The following BBOX1 variants were observed in gnomAD, a reference collection of about 807,000 sequenced individuals.
The protein encoded by BBOX1 is gamma-butyrobetaine hydroxylase 1.
A neutral mutation model predicts 41.6 loss-of-function variants in BBOX1; 35 were observed. The observed-to-expected ratio is 0.84, with a 90% CI of 0.64 to 1.11. The LOEUF (loss-of-function observed/expected upper bound fraction) is 1.11. Among genes scored for constraint, BBOX1 ranks in the 50% most tolerant of loss-of-function variants. The pLI is 0.00. For synonymous variants in BBOX1, 163 were observed against 154.7 expected, an observed-to-expected ratio of 1.05 and a Z score of -0.40; for missense variants, 458 against 460.6, an observed-to-expected ratio of 0.99 and a Z score of 0.05.
At chr11:27,051,460 T>A (rs11029803) in intron 2 of BBOX1, among the ~76,000 whole-genome samples, 79,690 of 151,800 alleles carry the variant, frequency 0.52, 21,267 homozygotes, top group African/African-American at 0.63. Flanking sequence ...CATCAGGTCC[T>A]GGAGTTTCCA....
intron 2 of BBOX1, among the ~76,000 whole-genome samples, chr11:27,054,414 C>T (rs1269792791): frequency 1.3e-5 from 2 of 152,064 alleles, no homozygotes; most frequent in Admixed American, 6.6e-5. Flanking sequence ...ACTTCATCCA[C>T]GTAAGTTTAG....
chr11:27,049,475 CCT>C, intron 2 of BBOX1, among the ~76,000 whole-genome samples: 1 of 152,174 alleles, frequency 6.6e-6, no homozygotes, highest in East Asian at 1.9e-4. Flanking sequence ...GCCTCAAACT[CCT>C]GAGTTCAAGC....
chr11:27,082,617 T>C (rs180813911), intron 4 of BBOX1, among the ~76,000 whole-genome samples: 1 of 152,290 alleles, frequency 6.6e-6, no homozygotes, highest in East Asian at 1.9e-4. Context: ...ACAAATTATC[T>C]AAGCTCCTTG....
In BBOX1 at chr11:27,127,427, A is replaced by C; in HGVS notation, c.1138A>C (p.Arg380=). 2 of 1,610,624 alleles carry C rather than the reference A, an allele frequency of 1.2e-6. No individual in the cohort carries two copies. Among genetic ancestry groups the C allele is most frequent in the Non-Finnish European group, 1.7e-6 (2 of 1,179,258 alleles). The change falls in exon 9 of 9, where the codon AGG becomes CGG. Residue 380 remains arginine, a synonymous_variant. Coordinates refer to ENST00000263182, the MANE Select transcript of BBOX1 (RefSeq NM_003986.3). The part of the protein sequence containing the change: ...DVVMSRLRIL[R]QRVENGN Reference sequence around the variant, plus strand: ...GGTCATGTCAAGGCTTCGTATCTTAAGGCAGAGGGTGGAGAATGGAAACTG... The same window carrying C: ...GGTCATGTCAAGGCTTCGTATCTTACGGCAGAGGGTGGAGAATGGAAACTG...
intron 4 of BBOX1, among the ~76,000 whole-genome samples, chr11:27,066,240 T>C (rs942187090): frequency 6.6e-6 from 1 of 152,178 alleles, no homozygotes; most frequent in African/African-American, 2.4e-5. Context: ...TTGTTTTGTT[T>C]TGTTTTGTTG....
At chr11:27,113,055 C>T (rs548731751) in intron 5 of BBOX1, among the ~76,000 whole-genome samples, 1 of 151,858 alleles carries the variant, frequency 6.6e-6, no homozygotes, top group Non-Finnish European at 1.5e-5. Flanking sequence ...TGAAAAAGTG[C>T]TTAACACCAC....
At chr11:27,064,848 AG>A (rs1486445668) in intron 4 of BBOX1, among the ~76,000 whole-genome samples, 8 of 151,740 alleles carry the variant, frequency 5.3e-5, no homozygotes, top group Non-Finnish European at 8.8e-5. Flanking sequence ...CCACAGGGGC[AG>A]GATTGGTGGG....
intron 4 of BBOX1, among the ~76,000 whole-genome samples, chr11:27,078,248 A>G (rs2134009450): frequency 6.6e-6 from 1 of 152,310 alleles, no homozygotes; most frequent in Non-Finnish European, 1.5e-5. Flanking sequence ...TAAGCCTAGG[A>G]AATAGGCATC....
At chr11:27,083,378 T>G (rs1422488000) in intron 4 of BBOX1, among the ~76,000 whole-genome samples, 10 of 152,102 alleles carry the variant, frequency 6.6e-5, no homozygotes, top group Admixed American at 1.3e-4. Flanking sequence ...AGACAGAGCC[T>G]TGCCTGAGCC....
At chr11:27,113,282 C>G (rs1473368260) in intron 5 of BBOX1, among the ~76,000 whole-genome samples, 1 of 151,892 alleles carries the variant, frequency 6.6e-6, no homozygotes, top group Non-Finnish European at 1.5e-5. Context: ...TCATTTGACC[C>G]AGCAATGCCA....
chr11:27,057,244 C>T lies in BBOX1; in HGVS notation c.263C>T (p.Ala88Val). 1 of 1,611,928 alleles carries T rather than the reference C, an allele frequency of 6.2e-7. No individual in the cohort carries two copies. The highest frequency in any genetic ancestry group is 1.7e-5 in the Admixed American group (1 of 59,424). ...WPDEHYSEFQ[A>V]DWLKKRCFSK... ...GATGAGCATTACAGTGAATTCCAGG[C>T]TGATTGGCTGAAGAAAAGATGCTTT... The change falls in exon 4 of 9, where the codon GCT becomes GTT. Residue 88 changes from alanine (A) to valine (V), a missense_variant. By Grantham distance (64) the Ala-to-Val change is moderately conservative. Coordinates refer to ENST00000263182, the MANE Select transcript of BBOX1 (RefSeq NM_003986.3).
At chr11:27,066,959 T>G (rs950585620) in intron 4 of BBOX1, among the ~76,000 whole-genome samples, 31 of 152,194 alleles carry the variant, frequency 2.0e-4, no homozygotes, top group Admixed American at 9.2e-4. Flanking sequence ...TAAGAGGGTT[T>G]TTGGCCCTAG....
chr11:27,046,960 T>C (rs1452321465), intron 2 of BBOX1, among the ~76,000 whole-genome samples: 1 of 152,142 alleles, frequency 6.6e-6, no homozygotes, highest in East Asian at 1.9e-4. Context: ...AGTAGACCTT[T>C]AAATAATCCA....
chr11:27,052,993 T>C (rs1330285967), intron 2 of BBOX1, among the ~76,000 whole-genome samples: 12 of 152,162 alleles, frequency 7.9e-5, no homozygotes, highest in South Asian at 2.1e-4. Flanking sequence ...ATATATTTCA[T>C]TGGGCATAAT....
At chr11:27,051,949 T>C (rs1851683806) in intron 2 of BBOX1, among the ~76,000 whole-genome samples, 1 of 152,070 alleles carries the variant, frequency 6.6e-6, no homozygotes, top group Non-Finnish European at 1.5e-5. Flanking sequence ...TTCTTCAAAC[T>C]ACTTTTACTG....
chr11:27,123,200 G>A (rs1470339256), intron 7 of BBOX1, among the ~76,000 whole-genome samples: 1 of 151,610 alleles, frequency 6.6e-6, no homozygotes, highest in African/African-American at 2.4e-5. Flanking sequence ...AAGAAAGCAG[G>A]GACTGTGTTA....
chr11:27,111,209 G>A (rs532475511), intron 5 of BBOX1, among the ~76,000 whole-genome samples: 65 of 152,052 alleles, frequency 4.3e-4, no homozygotes, highest in African/African-American at 1.5e-3. Context: ...CAACATGGAT[G>A]CAGCTGGAGG....
intron 4 of BBOX1, among the ~76,000 whole-genome samples, chr11:27,077,615 TAA>T (rs34920955): frequency 0.58 from 80,030 of 137,162 alleles, 25,133 homozygotes; most frequent in East Asian, 0.92. Context: ...ATCCACCATC[TAA>T]AAAAAAAAAA....
At chr11:27,121,564 G>A (rs1859465638) in intron 7 of BBOX1, among the ~76,000 whole-genome samples, 1 of 152,116 alleles carries the variant, frequency 6.6e-6, no homozygotes, top group African/African-American at 2.4e-5. Context: ...GTGGTGGTGT[G>A]GAGAAGGATC....
Sources: allele counts gnomAD v4.1 joint callset (sites outside exome capture counted in the v4.1 genomes callset), GRCh38; gene constraint gnomAD v4.1.1; transcripts MANE v1.5; gene names NCBI Gene and HGNC (gene_info 2026-07-23, HGNC 2026-07-21).